The following LRP1B variants were observed in gnomAD, a reference collection of about 807,000 sequenced individuals.
LRP1B encodes the protein LDL receptor related protein 1B.
Under a neutral mutation model 556.6 loss-of-function variants are expected in LRP1B, and 217 were observed. The ratio of observed to expected loss-of-function variants is 0.39; its 90% confidence interval spans 0.35 to 0.44. The LOEUF (loss-of-function observed/expected upper bound fraction) is 0.44, where lower values mean the gene tolerates loss of function less well. Ranked by LOEUF, LRP1B falls within the 20% of genes least tolerant of loss-of-function variation. The pLI, the probability that LRP1B is intolerant of heterozygous loss-of-function variation, is 1.00. For missense variants in LRP1B, 5,053 were observed against 5,620.8 expected (o/e 0.90, Z 3.23); for synonymous variants, 2,047 against 1,865.8 (o/e 1.10, Z -2.50).
At chr2:141,372,539 T>A (rs1035975151) in intron 3 of LRP1B, among the ~76,000 whole-genome samples, 5 of 151,768 alleles carry the variant, frequency 3.3e-5, no homozygotes, top group Admixed American at 3.3e-4. Context: ...AGGGGAGGAT[T>A]TTTTTTTATT....
intron 84 of LRP1B, among the ~76,000 whole-genome samples, chr2:140,296,798 C>G (rs1017387510): frequency 2.6e-5 from 4 of 152,060 alleles, no homozygotes; most frequent in Admixed American, 1.3e-4. Flanking sequence ...ATTAACTTGA[C>G]TTTCATAAAA....
chr2:141,769,193 C>T (rs1694821730), intron 2 of LRP1B, among the ~76,000 whole-genome samples: 1 of 152,070 alleles, frequency 6.6e-6, no homozygotes, highest in Non-Finnish European at 1.5e-5. Flanking sequence ...GTAAGAATTA[C>T]ACCTAACATA....
chr2:141,551,170 G>T (rs908557516), intron 2 of LRP1B, among the ~76,000 whole-genome samples: 9 of 151,870 alleles, frequency 5.9e-5, no homozygotes, highest in Admixed American at 3.3e-4. Context: ...GTTAATAAGG[G>T]TGTAGTTGGA....
At chr2:141,023,654 G>A (rs1214451770) in intron 11 of LRP1B, among the ~76,000 whole-genome samples, 1 of 151,878 alleles carries the variant, frequency 6.6e-6, no homozygotes, top group Non-Finnish European at 1.5e-5. Context: ...TTTTTAAAAT[G>A]GGTCCATGAT....
At chr2:140,313,948 A>G (rs776193368) in intron 83 of LRP1B, among the ~76,000 whole-genome samples, 1 of 151,934 alleles carries the variant, frequency 6.6e-6, no homozygotes, top group Non-Finnish European at 1.5e-5. Context: ...TTATAGACAT[A>G]AAATTATCTA....
At chr2:140,607,191 C>T (rs1332742113) in intron 41 of LRP1B, among the ~76,000 whole-genome samples, 2 of 152,050 alleles carry the variant, frequency 1.3e-5, no homozygotes, top group South Asian at 2.1e-4. Flanking sequence ...ATAAAAAATG[C>T]TCAACACTAT....
At position 141,731,694 on chromosome 2, in the gene LRP1B, C is replaced by T. The variant is rs556199905; in HGVS notation, c.205+78585G>A. 4.6e-5 allele frequency among the ~76,000 whole-genome samples: 7 copies of T among 152,236 alleles called. No individual in the cohort carries two copies. The East Asian group carries it at 1.4e-3, about 30-fold the overall frequency. ...CTAGACTATCCAGTTCAAAGCCAGA[C>T]TCCACCATCTACCAACTTCATGACC... On this transcript the variant is annotated intron_variant, in intron 2 of 90. Coordinates refer to ENST00000389484, the MANE Select transcript of LRP1B (RefSeq NM_018557.3).
At chr2:141,310,320 T>C (rs1385616156) in intron 3 of LRP1B, among the ~76,000 whole-genome samples, 1 of 152,210 alleles carries the variant, frequency 6.6e-6, no homozygotes, top group Non-Finnish European at 1.5e-5. Flanking sequence ...TAAAACTGTG[T>C]GATCTTATAC....
At chr2:140,465,875 A>G (rs866280052) in intron 60 of LRP1B, among the ~76,000 whole-genome samples, 1 of 152,188 alleles carries the variant, frequency 6.6e-6, no homozygotes, top group South Asian at 2.1e-4. Flanking sequence ...AAACATTTCT[A>G]TAGTAACTGA....
intron 2 of LRP1B, among the ~76,000 whole-genome samples, chr2:141,798,958 G>A (rs748830977): frequency 9.2e-5 from 14 of 151,818 alleles, no homozygotes; most frequent in Non-Finnish European, 1.5e-4. Flanking sequence ...ACACTCAGAG[G>A]GATAACCCTG....
At chr2:141,765,859 T>C (rs897306403) in intron 2 of LRP1B, among the ~76,000 whole-genome samples, 1 of 152,208 alleles carries the variant, frequency 6.6e-6, no homozygotes, top group African/African-American at 2.4e-5. Context: ...ATTATTGAAC[T>C]CTACCTCTGA....
chr2:140,286,101 C>A (rs1683140212), intron 84 of LRP1B, among the ~76,000 whole-genome samples: 1 of 151,802 alleles, frequency 6.6e-6, no homozygotes, highest in Non-Finnish European at 1.5e-5. Flanking sequence ...AAATCCCAAG[C>A]CTCAGTGGCT....
chr2:140,687,479 C>A (rs1686089483), intron 41 of LRP1B, among the ~76,000 whole-genome samples: 1 of 152,106 alleles, frequency 6.6e-6, no homozygotes, highest in African/African-American at 2.4e-5. Context: ...ATAATCTCAT[C>A]TTTAATTATG....
chr2:141,110,592 C>T (rs1000449951), intron 7 of LRP1B, among the ~76,000 whole-genome samples: 1 of 151,056 alleles, frequency 6.6e-6, no homozygotes, highest in African/African-American at 2.4e-5. Context: ...ATAGGAAAGA[C>T]AAATGGCTTT....
At chr2:141,598,819 G>A (rs1574123260) in intron 2 of LRP1B, among the ~76,000 whole-genome samples, 1 of 151,970 alleles carries the variant, frequency 6.6e-6, no homozygotes, top group South Asian at 2.1e-4. Context: ...CCCAGAGAAA[G>A]CTCCATGACA....
rs1689585263 is a variant in LRP1B at position 140,778,702 on chromosome 2, A to C, written c.5360-2464T>G. Among the ~76,000 whole-genome samples the C allele has an allele frequency of 2.0e-5, 3 of 152,082 alleles. No individual in the cohort carries two copies. In the South Asian group the frequency reaches 6.2e-4, roughly 32 times the overall value. ...TTTGCTATTCACCTTTAAGAAACTA[A>C]CAGGTGTTGAGTTTTGGTGTAGTTT... On this transcript the variant is annotated intron_variant, in intron 32 of 90. Coordinates refer to ENST00000389484, the MANE Select transcript of LRP1B (RefSeq NM_018557.3).
chr2:140,641,251 C>T (rs539498327), intron 41 of LRP1B, among the ~76,000 whole-genome samples: 3 of 152,032 alleles, frequency 2.0e-5, no homozygotes, highest in Non-Finnish European at 4.4e-5. Context: ...TTAGCTTTAC[C>T]CAAGGTTTCA....
In LRP1B at chr2:140,986,784, T is replaced by C. The variant is rs10180955; in HGVS notation, c.2770+2748A>G. On this transcript the variant is annotated intron_variant, in intron 17 of 90. Transcript: ENST00000389484. ...GAAAGGCATTGTGTATTTTCTTTCA[T>C]TCTATCACCAGTGCTTTGGTAGATA... 2.6e-3 allele frequency among the ~76,000 whole-genome samples: 389 copies of C among 152,304 alleles called. 3 individuals are homozygous for C. The highest frequency in any genetic ancestry group is 9.0e-3 in the African/African-American group (375 of 41,578).
intron 7 of LRP1B, among the ~76,000 whole-genome samples, chr2:141,171,227 T>C (rs1465279700): frequency 6.6e-6 from 1 of 152,084 alleles, no homozygotes; most frequent in Non-Finnish European, 1.5e-5. Flanking sequence ...TCACTCTTTG[T>C]GTTGTATAGT....
Sources: gnomAD v4.1 joint callset for allele counts (sites outside exome capture counted in the v4.1 genomes callset) on GRCh38, gnomAD v4.1.1 for gene constraint, MANE v1.5 for transcripts, NCBI Gene and HGNC (gene_info 2026-07-23, HGNC 2026-07-21) for gene names.